Variants in ZNF469 observed in about 807,000 individuals in gnomAD.
The protein encoded by ZNF469 is zinc finger protein 469.
ZNF469 carries 1 observed loss-of-function variant against 1.0 expected under a neutral mutation model. The ratio of observed to expected loss-of-function variants is 1.00; its 90% confidence interval spans 0.35 to 4.73. The LOEUF (loss-of-function observed/expected upper bound fraction) is 4.73, where lower values mean the gene tolerates loss of function less well. ZNF469 is among the 30% of genes most tolerant of loss of function. The pLI, the probability that ZNF469 is intolerant of heterozygous loss-of-function variation, is 0.16. For synonymous variants in ZNF469, 2,703 were observed against 2,363.4 expected, an observed-to-expected ratio of 1.14 and a Z score of -4.17; for missense variants, 6,100 against 5,356.3, an observed-to-expected ratio of 1.14 and a Z score of -4.33.
chr16:88,197,668 G>A, the ZNF469 span, among the ~76,000 whole-genome samples: 4 of 152,218 alleles, frequency 2.6e-5, no homozygotes, highest in African/African-American at 7.2e-5. Flanking sequence ...CACCCAGTAC[G>A]ATGGTGTGGG....
At chr16:88,223,361 TC>T in the ZNF469 span, among the ~76,000 whole-genome samples, 1 of 152,166 alleles carries the variant, frequency 6.6e-6, no homozygotes, top group Non-Finnish European at 1.5e-5. Context: ...TTGCCTTCCC[TC>T]CCCAGACACA....
the ZNF469 span, among the ~76,000 whole-genome samples, chr16:88,200,033 C>T: frequency 6.6e-6 from 1 of 152,314 alleles, no homozygotes; most frequent in East Asian, 1.9e-4. Flanking sequence ...CTCCCGCTCC[C>T]ACCCCCGGCT....
the ZNF469 span, among the ~76,000 whole-genome samples, chr16:88,312,401 G>A: frequency 6.6e-6 from 1 of 152,102 alleles, no homozygotes; most frequent in African/African-American, 2.4e-5. Flanking sequence ...TTGACGGGTT[G>A]GTCTGTAACT....
the ZNF469 span, among the ~76,000 whole-genome samples, chr16:88,316,578 G>A: frequency 1.1e-4 from 15 of 136,356 alleles, no homozygotes; most frequent in African/African-American, 1.4e-4. Flanking sequence ...ACAGAGTCTC[G>A]TTCTGTCGCT....
At chr16:88,219,918 G>A in the ZNF469 span, among the ~76,000 whole-genome samples, 3 of 152,154 alleles carry the variant, frequency 2.0e-5, no homozygotes, top group African/African-American at 7.2e-5. Context: ...ACAACTGGCA[G>A]ATGCCCCTAG....
chr16:88,127,190 C>T, the ZNF469 span, among the ~76,000 whole-genome samples: 2 of 152,122 alleles, frequency 1.3e-5, no homozygotes, highest in Non-Finnish European at 2.9e-5. Context: ...TCACGAGGGC[C>T]TTGCTCTGCT....
chr16:88,221,136 C>G, the ZNF469 span, among the ~76,000 whole-genome samples: 10 of 152,158 alleles, frequency 6.6e-5, no homozygotes, highest in Admixed American at 2.6e-4. Context: ...GACACAGTGA[C>G]CCAGGCCTGG....
chr16:88,336,703 C>T, the ZNF469 span, among the ~76,000 whole-genome samples: 1 of 152,274 alleles, frequency 6.6e-6, no homozygotes, highest in Admixed American at 6.5e-5. Flanking sequence ...GCATCCTTCA[C>T]ATGAGACACT....
intron 1 of ZNF469, among the ~76,000 whole-genome samples, chr16:88,400,179 C>A (rs1904814454): frequency 6.6e-6 from 1 of 152,210 alleles, no homozygotes; most frequent in African/African-American, 2.4e-5. Context: ...GGACGGGCAC[C>A]CAGCAAGGAG....
the ZNF469 span, among the ~76,000 whole-genome samples, chr16:88,112,555 G>A: frequency 6.6e-6 from 1 of 152,170 alleles, no homozygotes; most frequent in Non-Finnish European, 1.5e-5. Flanking sequence ...CTCCTCTTCA[G>A]ATGCCTGTTG....
the ZNF469 span, among the ~76,000 whole-genome samples, chr16:88,112,442 T>A: frequency 6.6e-6 from 1 of 152,150 alleles, no homozygotes; most frequent in Non-Finnish European, 1.5e-5. Context: ...CTTGCGAGCA[T>A]TTGTGATTGT....
chr16:88,212,724 G>A, the ZNF469 span, among the ~76,000 whole-genome samples: 1 of 152,070 alleles, frequency 6.6e-6, no homozygotes, highest in Non-Finnish European at 1.5e-5. Flanking sequence ...AAGACTAAAG[G>A]CACACACCAC....
At chr16:88,303,154 A>G in the ZNF469 span, among the ~76,000 whole-genome samples, 2 of 152,132 alleles carry the variant, frequency 1.3e-5, no homozygotes, top group Admixed American at 1.3e-4. Flanking sequence ...GAAAGTGTGA[A>G]GTTGTGTCTG....
the ZNF469 span, among the ~76,000 whole-genome samples, chr16:88,198,251 G>A: frequency 5.3e-5 from 8 of 152,232 alleles, no homozygotes; most frequent in Admixed American, 3.3e-4. Flanking sequence ...GTGAAAGGAT[G>A]GAGTGTGGGG....
Position 88,400,933 on chromosome 16 carries a change from C to T in ZNF469, c.-192+17679C>T, listed in dbSNP as rs116589179. The stretch of plus-strand genomic sequence containing the variant: ...AGGAGATGGAGGGGCCCAGAAACAA[C>T]CCGCTGAACAACAGGCCAGGGGTTG... On this transcript the variant is annotated intron_variant, in intron 1 of 2. Coordinates refer to ENST00000565624, the MANE Select transcript of ZNF469 (RefSeq NM_001367624.2). Among the ~76,000 whole-genome samples, 311 of 152,128 alleles carry T rather than the reference C, an allele frequency of 2.0e-3. 1 individual carries two copies. The highest frequency in any genetic ancestry group is 7.1e-3 in the African/African-American group (296 of 41,502).
chr16:88,231,952 C>T, the ZNF469 span, among the ~76,000 whole-genome samples: 3 of 152,168 alleles, frequency 2.0e-5, no homozygotes, highest in African/African-American at 7.2e-5. The surrounding 1 kb of genome is among the most constrained non-coding windows in gnomAD (Gnocchi z 4.5). Flanking sequence ...AGCCAAGCCG[C>T]AGGAGGCAGG....
At chr16:88,319,092 G>C in the ZNF469 span, among the ~76,000 whole-genome samples, 1 of 152,314 alleles carries the variant, frequency 6.6e-6, no homozygotes, top group South Asian at 2.1e-4. Flanking sequence ...ATGGGACTCT[G>C]CCTCAGGCTT....
chr16:88,340,399 T>A, the ZNF469 span, among the ~76,000 whole-genome samples: 1 of 152,148 alleles, frequency 6.6e-6, no homozygotes, highest in African/African-American at 2.4e-5. Flanking sequence ...TCAGGTGACA[T>A]GAACAGGTGT....
the ZNF469 span, among the ~76,000 whole-genome samples, chr16:88,267,000 C>T: frequency 1.3e-5 from 2 of 152,234 alleles, no homozygotes; most frequent in African/African-American, 4.8e-5. Flanking sequence ...GAGCAGCAGC[C>T]CCCGCCAAGT....
Sources: allele counts gnomAD v4.1 joint callset (sites outside exome capture counted in the v4.1 genomes callset), GRCh38; gene constraint gnomAD v4.1.1; non-coding constraint Gnocchi (gnomAD v3.1); transcripts MANE v1.5; gene names NCBI Gene and HGNC (gene_info 2026-07-23, HGNC 2026-07-21).